The following BMP6 variants were observed in gnomAD, a reference collection of about 807,000 sequenced individuals.
BMP6 encodes bone morphogenetic protein 6, also known as VG-1-R.
BMP6 carries 17 observed loss-of-function variants against 54.1 expected under a neutral mutation model. The ratio of observed to expected loss-of-function variants is 0.31; its 90% CI spans 0.22 to 0.47. The LOEUF (loss-of-function observed/expected upper bound fraction) is 0.47, where lower values mean the gene tolerates loss of function less well. Among genes scored for constraint, BMP6 ranks in the 20% least tolerant of loss-of-function variants. BMP6 has a pLI of 1.00. For missense variants in BMP6, 720 were observed against 690.4 expected (o/e 1.04, Z -0.48); for synonymous variants, 328 against 291.2 (o/e 1.13, Z -1.28).
At chr6:7,857,057 A>G (rs1020275052) in intron 2 of BMP6, among the ~76,000 whole-genome samples, 4 of 152,172 alleles carry the variant, frequency 2.6e-5, no homozygotes, top group Non-Finnish European at 5.9e-5. Context: ...AAGGAGAGAA[A>G]GGCCTGCTGT....
chr6:7,830,995 T>C (rs1758785184), intron 1 of BMP6, among the ~76,000 whole-genome samples: 1 of 152,142 alleles, frequency 6.6e-6, no homozygotes, highest in African/African-American at 2.4e-5. Context: ...CACATACAAG[T>C]ACATGCATGT....
intron 1 of BMP6, among the ~76,000 whole-genome samples, chr6:7,805,278 G>A (rs967936108): frequency 1.3e-5 from 2 of 152,128 alleles, no homozygotes; most frequent in South Asian, 2.1e-4. Flanking sequence ...CTCACTGTCC[G>A]TATCTTATAC....
Position 7,856,614 on chromosome 6 carries a change from T to TTTTTTTTG in BMP6, c.858-4837_858-4836insTTTTTTTG, listed in dbSNP as rs1491363620. 3.2e-5 allele frequency among the ~76,000 whole-genome samples: 3 copies of TTTTTTTTG among 95,134 alleles called. 1 individual carries two copies. The highest frequency in any genetic ancestry group is 1.2e-4 in the African/African-American group (3 of 25,680). The allele number at this position is 95,134 out of a possible 152,430, so 62.4% of individuals were successfully genotyped here. On this transcript the variant is annotated intron_variant, in intron 2 of 6. Transcript: ENST00000283147. Reference sequence around the variant, plus strand: ...AAGAGCATTTTTTTTTTTTTTTTTTTGAGACGGAGTCTCGCTCTGTCGCCC... The same window carrying TTTTTTTTG: ...AAGAGCATTTTTTTTTTTTTTTTTTTTTTTTTTGGAGACGGAGTCTCGCTCTGTCGCCC...
At chr6:7,833,301 T>A (rs1215654141) in intron 1 of BMP6, among the ~76,000 whole-genome samples, 1 of 152,240 alleles carries the variant, frequency 6.6e-6, no homozygotes, top group African/African-American at 2.4e-5. Context: ...TATTTAAATT[T>A]AAATAGCTCC....
chr6:7,801,984 A>G (rs1758276032), intron 1 of BMP6, among the ~76,000 whole-genome samples: 1 of 152,178 alleles, frequency 6.6e-6, no homozygotes, highest in Non-Finnish European at 1.5e-5. Flanking sequence ...CCCTTCTGTC[A>G]GGGAGATGTG....
intron 1 of BMP6, among the ~76,000 whole-genome samples, chr6:7,792,333 G>A (rs1417072209): frequency 6.6e-6 from 1 of 152,166 alleles, no homozygotes; most frequent in African/African-American, 2.4e-5. Context: ...ATTAGTGTTT[G>A]ATTACATAAC....
At chr6:7,833,474 T>C (rs1004996923) in intron 1 of BMP6, among the ~76,000 whole-genome samples, 1 of 152,130 alleles carries the variant, frequency 6.6e-6, no homozygotes, top group Non-Finnish European at 1.5e-5. Context: ...TGTGTGCATG[T>C]TGGCTCCAAG....
rs550226032 is a variant in BMP6 at position 7,880,793 on chromosome 6, C to T, written c.*450C>T. 6 of 186,264 alleles carry T rather than the reference C, an allele frequency of 3.2e-5. No homozygotes were observed. Among genetic ancestry groups the T allele is most frequent in the Admixed American group, 5.3e-5 (1 of 18,784 alleles). The allele number at this position is 186,264 out of a possible 1,614,324, so 11.5% of individuals were successfully genotyped here. ...GGTAGATTTTACAGAGAACAGAAATCGGGGAAGTGGGGGGAACGCCTCTGT... is the reference window on the plus strand; with the variant it reads ...GGTAGATTTTACAGAGAACAGAAATTGGGGAAGTGGGGGGAACGCCTCTGT... On this transcript the variant is annotated 3_prime_UTR_variant, in exon 7 of 7. Coordinates refer to ENST00000283147, the MANE Select transcript of BMP6 (RefSeq NM_001718.6).
intron 1 of BMP6, among the ~76,000 whole-genome samples, chr6:7,787,111 G>A (rs1044646355): frequency 4.6e-5 from 7 of 152,204 alleles, no homozygotes; most frequent in African/African-American, 1.4e-4. Context: ...AGAAGTAAAA[G>A]TCCAATTGAA....
At chr6:7,785,297 A>G (rs1758004916) in intron 1 of BMP6, among the ~76,000 whole-genome samples, 2 of 152,240 alleles carry the variant, frequency 1.3e-5, no homozygotes, top group South Asian at 4.1e-4. Context: ...TGTAATTAAT[A>G]TAGCTGGGAG....
At chr6:7,873,444 C>T (rs1759561619) in intron 4 of BMP6, among the ~76,000 whole-genome samples, 1 of 152,178 alleles carries the variant, frequency 6.6e-6, no homozygotes, top group Non-Finnish European at 1.5e-5. Flanking sequence ...TTTGGGTGCA[C>T]CGTCCTCTTG....
At chr6:7,785,690 T>G (rs1208161228) in intron 1 of BMP6, among the ~76,000 whole-genome samples, 5 of 152,200 alleles carry the variant, frequency 3.3e-5, no homozygotes, top group African/African-American at 1.2e-4. Context: ...AGACTTCTTT[T>G]GCCTTAAAAA....
At chr6:7,728,680 G>A (rs1005160338) in intron 1 of BMP6, among the ~76,000 whole-genome samples, 2 of 152,008 alleles carry the variant, frequency 1.3e-5, no homozygotes, top group African/African-American at 2.4e-5. Flanking sequence ...GATCATGGGT[G>A]CACTGGCTAC....
intron 2 of BMP6, among the ~76,000 whole-genome samples, chr6:7,849,423 A>G (rs1458945578): frequency 6.6e-6 from 1 of 152,060 alleles, no homozygotes; most frequent in Admixed American, 6.6e-5. Context: ...CTTCTTTACT[A>G]TTTTTTCTGT....
chr6:7,750,151 C>T (rs993774352), intron 1 of BMP6, among the ~76,000 whole-genome samples: 1 of 152,204 alleles, frequency 6.6e-6, no homozygotes, highest in South Asian at 2.1e-4. Flanking sequence ...AAACATTCAA[C>T]GTCAACATTT....
In BMP6 at chr6:7,797,045, T is replaced by C. The variant is rs150750599; in HGVS notation, c.665-48095T>C. Among the ~76,000 whole-genome samples, 17 of 152,338 alleles carry C rather than the reference T, an allele frequency of 1.1e-4. No individual in the cohort carries two copies. In the East Asian group the frequency reaches 3.3e-3, roughly 29 times the overall value. ...AATTCTAAGAATCTAGATCTCAGTGTCTCCTTGAAAGAATACTTTATTAAG... is the reference window on the plus strand; with the variant it reads ...AATTCTAAGAATCTAGATCTCAGTGCCTCCTTGAAAGAATACTTTATTAAG... On this transcript the variant is annotated intron_variant, in intron 1 of 6. Transcript: ENST00000283147.
chr6:7,822,878 A>G (rs531577555), intron 1 of BMP6, among the ~76,000 whole-genome samples: 5 of 144,174 alleles, frequency 3.5e-5, no homozygotes, highest in Non-Finnish European at 7.5e-5. Context: ...CCCCCATGCT[A>G]CAGTAGGATT....
chr6:7,760,197 G>T (rs952195970), intron 1 of BMP6, among the ~76,000 whole-genome samples: 5 of 151,532 alleles, frequency 3.3e-5, no homozygotes, highest in Non-Finnish European at 7.4e-5. Flanking sequence ...AAATTGCTGG[G>T]ATTATAGGAA....
chr6:7,823,061 G>T (rs1330433361), intron 1 of BMP6, among the ~76,000 whole-genome samples: 1 of 152,088 alleles, frequency 6.6e-6, no homozygotes, highest in South Asian at 2.1e-4. Flanking sequence ...TGAACCCCAA[G>T]ATTTTCTGTG....
Sources: gnomAD v4.1 joint callset for allele counts (sites outside exome capture counted in the v4.1 genomes callset) on GRCh38, gnomAD v4.1.1 for gene constraint, MANE v1.5 for transcripts, NCBI Gene and HGNC (gene_info 2026-07-23, HGNC 2026-07-21) for gene names.